Variants in PTPRN2 observed in about 807,000 individuals in gnomAD.
PTPRN2 encodes the protein protein tyrosine phosphatase receptor type N2, also known as receptor-type tyrosine-protein phosphatase N2.
A neutral mutation model predicts 118.8 loss-of-function variants in PTPRN2; 74 were observed. The ratio of observed to expected loss-of-function variants is 0.62; its 90% confidence interval spans 0.52 to 0.76. The LOEUF (loss-of-function observed/expected upper bound fraction) is 0.76, where lower values mean the gene tolerates loss of function less well. PTPRN2 is among the 30% of genes least tolerant of loss of function. The pLI, the probability that PTPRN2 is intolerant of heterozygous loss-of-function variation, is 0.00. For synonymous variants in PTPRN2, 641 were observed against 608.0 expected, an observed-to-expected ratio of 1.05 and a Z score of -0.80; for missense variants, 1,481 against 1,394.4, an observed-to-expected ratio of 1.06 and a Z score of -0.99.
chr7:157,642,756 T>C (rs1392764260), intron 14 of PTPRN2, among the ~76,000 whole-genome samples: 3 of 142,018 alleles, frequency 2.1e-5, no homozygotes, highest in Non-Finnish European at 4.5e-5. Flanking sequence ...TTGATTCCAC[T>C]TCTTCTATCA....
intron 1 of PTPRN2, among the ~76,000 whole-genome samples, chr7:158,500,689 C>T (rs968658182): frequency 6.6e-6 from 1 of 152,262 alleles, no homozygotes; most frequent in African/African-American, 2.4e-5. Context: ...CACCCGCTGC[C>T]TCTCACTGGG....
chr7:157,819,718 G>A (rs1478840102), intron 12 of PTPRN2, among the ~76,000 whole-genome samples: 1 of 152,106 alleles, frequency 6.6e-6, no homozygotes, highest in Non-Finnish European at 1.5e-5. Context: ...ACGTCTCCTG[G>A]AAGGATGGGA....
chr7:157,971,451 G>A (rs557590247), intron 11 of PTPRN2, among the ~76,000 whole-genome samples: 3 of 152,198 alleles, frequency 2.0e-5, no homozygotes, highest in East Asian at 1.9e-4. Flanking sequence ...TGTAATGAGC[G>A]CCACTTGGAA....
At chr7:158,168,072 T>G (rs1823192649) in intron 5 of PTPRN2, among the ~76,000 whole-genome samples, 1 of 152,202 alleles carries the variant, frequency 6.6e-6, no homozygotes, top group African/African-American at 2.4e-5. Flanking sequence ...TCCCAAGCTG[T>G]TTTCCAGCAC....
intron 5 of PTPRN2, among the ~76,000 whole-genome samples, chr7:158,168,552 C>T (rs1199168546): frequency 6.6e-6 from 1 of 152,220 alleles, no homozygotes; most frequent in Non-Finnish European, 1.5e-5. Flanking sequence ...AGTGCCTTGT[C>T]TGGAGGTCTT....
In PTPRN2 at chr7:158,268,296, C is replaced by G. The variant is rs71545578; in HGVS notation, c.277+48523G>C. Among the ~76,000 whole-genome samples the G allele has an allele frequency of 9.2e-3, 1,374 of 149,130 alleles. 4 individuals carry two copies. Among genetic ancestry groups the G allele is most frequent in the Non-Finnish European group, 0.015 (1,032 of 67,456 alleles). On this transcript the variant is annotated intron_variant, in intron 3 of 22. Transcript: ENST00000389418. Reference sequence around the variant, plus strand: ...ATATCCCAGCCCAGACGCGTGCACACGGGGCGGGTGTGAAATATCCCAGCC... The same window carrying G: ...ATATCCCAGCCCAGACGCGTGCACAGGGGGCGGGTGTGAAATATCCCAGCC...
intron 6 of PTPRN2, among the ~76,000 whole-genome samples, chr7:158,143,111 G>A (rs138420192): frequency 1.1e-3 from 165 of 152,176 alleles, no homozygotes; most frequent in African/African-American, 3.6e-3. Context: ...GATTATCATC[G>A]CGACAGTCTT....
chr7:157,562,600 C>T (rs867987298), intron 21 of PTPRN2, among the ~76,000 whole-genome samples: 8 of 152,232 alleles, frequency 5.3e-5, no homozygotes, highest in Non-Finnish European at 8.8e-5. Flanking sequence ...CTTCAAAGTC[C>T]GGGGAGCCAC....
At chr7:157,748,982 C>G (rs377002418) in intron 12 of PTPRN2, among the ~76,000 whole-genome samples, 25 of 13,318 alleles carry the variant, frequency 1.9e-3, no homozygotes, top group Admixed American at 5.6e-3. Flanking sequence ...TCCCTGAGCT[C>G]TGGGCTGTCC....
At chr7:158,189,757 G>T (rs1227227623) in intron 5 of PTPRN2, among the ~76,000 whole-genome samples, 1 of 152,226 alleles carries the variant, frequency 6.6e-6, no homozygotes, top group Non-Finnish European at 1.5e-5. Context: ...TGACGTCACG[G>T]CGCCGTTACA....
intron 12 of PTPRN2, among the ~76,000 whole-genome samples, chr7:157,844,610 C>T (rs73746654): frequency 0.032 from 4,834 of 152,240 alleles, 262 homozygotes; most frequent in African/African-American, 0.11. Flanking sequence ...AGGCCTTCCA[C>T]AGCACGACCC....
rs191369692 is a variant in PTPRN2, at chr7:158,276,495, G to T, written c.277+40324C>A. ...TCACCCCCACACCCCGGCCCCGACA[G>T]GCTGTAAGGCAGCACCCCCACACCC... is the stretch of plus-strand genomic sequence containing the variant. On this transcript the variant is annotated intron_variant, in intron 3 of 22. Coordinates refer to ENST00000389418, the MANE Select transcript of PTPRN2 (RefSeq NM_002847.5). Among the ~76,000 whole-genome samples the T allele has an allele frequency of 2.4e-3, 332 of 137,636 alleles. 1 individual carries two copies. Among genetic ancestry groups the T allele is most frequent in the Middle Eastern group, 8.3e-3 (2 of 242 alleles). 90.3% of individuals were successfully genotyped at this position (137,636 alleles called of 152,430 possible). A position where few individuals can be genotyped will look rare whatever the true frequency, so the allele number is the denominator to read the frequency against.
intron 9 of PTPRN2, among the ~76,000 whole-genome samples, chr7:158,115,047 G>T (rs573694237): frequency 4.5e-4 from 69 of 152,250 alleles, no homozygotes; most frequent in Non-Finnish European, 8.5e-4. Flanking sequence ...CACTCTCCTG[G>T]TCCCAGCTTC....
chr7:157,887,512 C>CCCCCAGTACCCACT (rs1796531672), intron 12 of PTPRN2, among the ~76,000 whole-genome samples: 1 of 23,370 alleles, frequency 4.3e-5, no homozygotes, highest in African/African-American at 2.0e-4. Flanking sequence ...AGTACCCACT[C>CCCCCAGTACCCACT]CCCCCAGTAC....
intron 11 of PTPRN2, among the ~76,000 whole-genome samples, chr7:158,040,122 A>G (rs957343040): frequency 6.6e-6 from 1 of 152,220 alleles, no homozygotes; most frequent in Non-Finnish European, 1.5e-5. Context: ...GGACTGTGGG[A>G]CAATTACAAA....
In PTPRN2 at chr7:157,794,303, TCTGCTCTGACCCGGGCTCACACCTCC is replaced by T. The variant is rs1804726335; in HGVS notation, c.1788+104344_1788+104369del. On this transcript the variant is annotated intron_variant, in intron 12 of 22. Coordinates refer to ENST00000389418, the MANE Select transcript of PTPRN2 (RefSeq NM_002847.5). This position sits in a 1 kb window ranked among gnomAD's most constrained non-coding sequence, Gnocchi z 5.2. ...CCCGGGCTCACACCTCCCCTCGTTCTCTGCTCTGACCCGGGCTCACACCTCCCTGCTCCACCCAGGCTGCCTGCACT... is the reference window on the plus strand; with the variant it reads ...CCCGGGCTCACACCTCCCCTCGTTCTCTGCTCCACCCAGGCTGCCTGCACT... 6.7e-6 allele frequency among the ~76,000 whole-genome samples: 1 copy of T among 149,684 alleles called. No individual in the cohort carries two copies. Among genetic ancestry groups the T allele is most frequent in the African/African-American group, 2.5e-5 (1 of 40,510 alleles).
chr7:157,736,515 C>T (rs1405797666), intron 12 of PTPRN2, among the ~76,000 whole-genome samples: 2 of 152,134 alleles, frequency 1.3e-5, no homozygotes, highest in Non-Finnish European at 2.9e-5. Flanking sequence ...GTCCACAAGC[C>T]CGGGAGAGAG....
intron 2 of PTPRN2, among the ~76,000 whole-genome samples, chr7:158,341,229 C>G (rs1450493707): frequency 1.3e-5 from 2 of 150,806 alleles, no homozygotes; most frequent in African/African-American, 5.0e-5. Context: ...CACACCCACA[C>G]TCTCACCATA....
Position 157,702,341 on chromosome 7 carries a change from G to A in PTPRN2, c.1789-19404C>T, listed in dbSNP as rs563440560. ...TCTGCCTTTGTGAGAAAGCCCGGTC[G>A]GTGCTGGTGTAACTATGAGAAAGCC... On this transcript the variant is annotated intron_variant, in intron 12 of 22. Coordinates refer to ENST00000389418, the MANE Select transcript of PTPRN2 (RefSeq NM_002847.5). Among the ~76,000 whole-genome samples, 4 of 152,172 alleles carry A rather than the reference G, an allele frequency of 2.6e-5. No individual in the cohort carries two copies. The East Asian group carries it at 7.8e-4, about 30-fold the overall frequency.
Sources: allele counts gnomAD v4.1 joint callset (sites outside exome capture counted in the v4.1 genomes callset), GRCh38; gene constraint gnomAD v4.1.1; non-coding constraint Gnocchi (gnomAD v3.1); transcripts MANE v1.5; gene names NCBI Gene and HGNC (gene_info 2026-07-23, HGNC 2026-07-21).